The following KIF13A variants were observed in gnomAD, a reference collection of about 807,000 sequenced individuals.
KIF13A encodes the protein kinesin-like protein KIF13A.
A neutral mutation model predicts 212.2 loss-of-function variants in KIF13A; 79 were observed. The ratio of observed to expected loss-of-function variants is 0.37; its 90% confidence interval spans 0.31 to 0.45. KIF13A has a LOEUF of 0.45. KIF13A is among the 20% of genes least tolerant of loss of function. The pLI, the probability that KIF13A is intolerant of heterozygous loss-of-function variation, is 1.00. For missense variants in KIF13A, 1,901 were observed against 2,209.0 expected, an observed-to-expected ratio of 0.86 and a Z score of 2.79; for synonymous variants, 789 against 808.6, an observed-to-expected ratio of 0.98 and a Z score of 0.41.
At chr6:17,869,653 T>C (rs1769817975) in intron 4 of KIF13A, among the ~76,000 whole-genome samples, 1 of 152,098 alleles carries the variant, frequency 6.6e-6, no homozygotes, top group South Asian at 2.1e-4. Flanking sequence ...CACTAGAGAA[T>C]TACGTGTTTC....
chr6:17,946,610 G>A (rs935041491), intron 2 of KIF13A, among the ~76,000 whole-genome samples: 15 of 152,182 alleles, frequency 9.9e-5, no homozygotes, highest in African/African-American at 3.6e-4. Flanking sequence ...CTCTGCATCA[G>A]TAAAAATTTT....
At position 17,926,203 on chromosome 6, in the gene KIF13A, C is replaced by G. The variant is rs908188342; in HGVS notation, c.147-28023G>C. ...AACATTCAGTTCTTGTAAACTTCCA[C>G]GAATTCCTAAATTTATCTGTCTCCT... On this transcript the variant is annotated intron_variant, in intron 2 of 38. Transcript: ENST00000259711. The surrounding 1 kb of genome is among the most constrained non-coding windows in gnomAD (Gnocchi z 4.3). Among the ~76,000 whole-genome samples, 2 of 152,058 alleles carry G rather than the reference C, an allele frequency of 1.3e-5. No homozygotes were observed. The highest frequency in any genetic ancestry group is 3.2e-3 in the Middle Eastern group (1 of 316).
chr6:17,797,130 C>T (rs572368497), intron 22 of KIF13A, among the ~76,000 whole-genome samples: 6 of 151,810 alleles, frequency 4.0e-5, no homozygotes, highest in East Asian at 2.0e-4. Flanking sequence ...CTCAGGTTCA[C>T]GCCATTCTCC....
chr6:17,922,507 C>A (rs1386350827), intron 2 of KIF13A, among the ~76,000 whole-genome samples: 1 of 151,618 alleles, frequency 6.6e-6, no homozygotes, highest in East Asian at 1.9e-4. Context: ...AGAAAGCAAG[C>A]CCGTGAATAA....
intron 20 of KIF13A, among the ~76,000 whole-genome samples, chr6:17,803,344 G>C (rs1762639195): frequency 6.6e-6 from 1 of 152,114 alleles, no homozygotes; most frequent in African/African-American, 2.4e-5. Context: ...AAAAAGCTCT[G>C]TTAGGCACTG....
rs1766121255 is a variant in KIF13A at position 17,837,889 on chromosome 6, G to C, written c.831-306C>G. Among the ~76,000 whole-genome samples the C allele has an allele frequency of 3.3e-5, 5 of 152,216 alleles. No homozygotes were observed. The South Asian group carries it at 1.0e-3, about 32-fold the overall frequency. ...AATCTCTGGAACCCGGGAGTTAGAG[G>C]TTGCAGTGAGCCGAGACTGTGCCAC... is the stretch of plus-strand genomic sequence containing the variant. On this transcript the variant is annotated intron_variant, in intron 9 of 38. Transcript: ENST00000259711. The surrounding 1 kb of genome is among the most constrained non-coding windows in gnomAD (Gnocchi z 5.4).
Position 17,926,532 on chromosome 6 carries a change from C to T in KIF13A, c.147-28352G>A, listed in dbSNP as rs1052988890. Among the ~76,000 whole-genome samples, 1 of 152,000 alleles carries T rather than the reference C, an allele frequency of 6.6e-6. No individual in the cohort carries two copies. Among genetic ancestry groups the T allele is most frequent in the African/African-American group, 2.4e-5 (1 of 41,390 alleles). On this transcript the variant is annotated intron_variant, in intron 2 of 38. Transcript: ENST00000259711. The surrounding 1 kb of genome is among the most constrained non-coding windows in gnomAD (Gnocchi z 4.3). ...CAGGTGTGAGCCACCATGCCTGGCCCCTGGTACGTTTCTTTAAAACACATG... is the reference window on the plus strand; with the variant it reads ...CAGGTGTGAGCCACCATGCCTGGCCTCTGGTACGTTTCTTTAAAACACATG...
rs1779565109 is a variant in KIF13A, at chr6:17,968,986, A to G, written c.146+18068T>C. On this transcript the variant is annotated intron_variant, in intron 2 of 38. Transcript: ENST00000259711. The surrounding 1 kb of genome is among the most constrained non-coding windows in gnomAD (Gnocchi z 4.7). Reference sequence around the variant, plus strand: ...ATATCTTTCATTATATTCAACTATAAAACATCTACATCAGGTTGGTGTAGG... The same window carrying G: ...ATATCTTTCATTATATTCAACTATAGAACATCTACATCAGGTTGGTGTAGG... 6.6e-6 allele frequency among the ~76,000 whole-genome samples: 1 copy of G among 151,652 alleles called. No homozygotes were observed. Among genetic ancestry groups the G allele is most frequent in the South Asian group, 2.1e-4 (1 of 4,788 alleles).
rs781542624 is a variant in KIF13A at position 17,777,228 on chromosome 6, A to C, written c.4170+49T>G. On this transcript the variant is annotated intron_variant, in intron 34 of 38. Transcript: ENST00000259711. This position sits in a 1 kb window ranked among gnomAD's most constrained non-coding sequence, Gnocchi z 4.4. Reference sequence around the variant, plus strand: ...TGAATCCCACCTTCCCCCACCCCAGAGGCTGCGACATGTCACATAGGAGCA... The same window carrying C: ...TGAATCCCACCTTCCCCCACCCCAGCGGCTGCGACATGTCACATAGGAGCA... 2.1e-6 allele frequency: 3 copies of C among 1,456,218 alleles called. No homozygotes were observed. Among genetic ancestry groups the C allele is most frequent in the Non-Finnish European group, 2.9e-6 (3 of 1,048,920 alleles). The allele number at this position is 1,456,218 out of a possible 1,614,324, so 90.2% of individuals were successfully genotyped here. A position where few individuals can be genotyped will look rare whatever the true frequency, so the allele number is the denominator to read the frequency against.
Position 17,963,280 on chromosome 6 carries a change from T to C in KIF13A, c.146+23774A>G, listed in dbSNP as rs544021283. Among the ~76,000 whole-genome samples the C allele has an allele frequency of 6.6e-5, 10 of 152,190 alleles. No homozygotes were observed. Among genetic ancestry groups the C allele is most frequent in the Non-Finnish European group, 1.5e-4 (10 of 68,000 alleles). ...TAAAAATACAAAAATTAGCTGGGCATGGTGGCGGGCGCCTGTAGTCCCAGC... is the reference window on the plus strand; with the variant it reads ...TAAAAATACAAAAATTAGCTGGGCACGGTGGCGGGCGCCTGTAGTCCCAGC... On this transcript the variant is annotated intron_variant, in intron 2 of 38. Coordinates refer to ENST00000259711, the MANE Select transcript of KIF13A (RefSeq NM_022113.6). This position sits in a 1 kb window ranked among gnomAD's most constrained non-coding sequence, Gnocchi z 4.1.
intron 2 of KIF13A, among the ~76,000 whole-genome samples, chr6:17,948,089 C>T (rs1777558382): frequency 6.6e-6 from 1 of 152,198 alleles, no homozygotes; most frequent in Admixed American, 6.5e-5. Flanking sequence ...TGAGAATATA[C>T]TTTTAATGCC....
At position 17,777,423 on chromosome 6, in the gene KIF13A, G is replaced by A. The variant is rs1886247; in HGVS notation, c.4093-69C>T. ...CCCAGAGACAGAGTCTCACTCTGTT[G>A]CCCAGGCTGGAGTGTAGTGATGCGA... On this transcript the variant is annotated intron_variant, in intron 33 of 38. Transcript: ENST00000259711. The surrounding 1 kb of genome is among the most constrained non-coding windows in gnomAD (Gnocchi z 4.4). The A allele has an allele frequency of 0.23, 296,360 of 1,277,868 alleles. 36,049 individuals are homozygous for A. Among genetic ancestry groups the A allele is most frequent in the South Asian group, 0.35 (27,153 of 78,546 alleles). The allele number at this position is 1,277,868 out of a possible 1,614,324, so 79.2% of individuals were successfully genotyped here.
chr6:17,966,757 C>T (rs1332345227), intron 2 of KIF13A, among the ~76,000 whole-genome samples: 1 of 152,184 alleles, frequency 6.6e-6, no homozygotes, highest in Non-Finnish European at 1.5e-5. Flanking sequence ...CTTCATCCTT[C>T]TGTCTTATGA....
At chr6:17,853,436 C>A (rs772087292) in intron 6 of KIF13A, among the ~76,000 whole-genome samples, 3 of 152,176 alleles carry the variant, frequency 2.0e-5, no homozygotes, top group East Asian at 1.9e-4. Flanking sequence ...TAACAGTTTG[C>A]GCAATTAAAT....
intron 11 of KIF13A, 45 bp downstream of exon 11, chr6:17,836,833 C>A: frequency 2.5e-6 from 4 of 1,570,764 alleles, no homozygotes; most frequent in Non-Finnish European, 3.5e-6. Context: ...TCAAATCCCG[C>A]AAGCCAGGGA....
intron 2 of KIF13A, among the ~76,000 whole-genome samples, chr6:17,970,311 A>G (rs1039188296): frequency 1.3e-5 from 2 of 152,212 alleles, no homozygotes; most frequent in African/African-American, 4.8e-5. Flanking sequence ...ATAGAAATAC[A>G]TAAAAGCAGG....
chr6:17,940,371 C>T (rs1776857436), intron 2 of KIF13A, among the ~76,000 whole-genome samples: 1 of 152,208 alleles, frequency 6.6e-6, no homozygotes, highest in Admixed American at 6.5e-5. Context: ...TGTGCTAATG[C>T]TGCTGATCCA....
rs1772693420 is a variant in KIF13A, at chr6:17,897,754, T to C, written c.159+414A>G. Among the ~76,000 whole-genome samples, 1 of 152,240 alleles carries C rather than the reference T, an allele frequency of 6.6e-6. No individual in the cohort carries two copies. The highest frequency in any genetic ancestry group is 2.4e-5 in the African/African-American group (1 of 41,464). ...CGTTTGTCCAATCAGTAATCACAGT[T>C]ACCAACTGCCATCCTATGATCTTAC... On this transcript the variant is annotated intron_variant, in intron 3 of 38. Coordinates refer to ENST00000259711, the MANE Select transcript of KIF13A (RefSeq NM_022113.6). The surrounding 1 kb of genome is among the most constrained non-coding windows in gnomAD (Gnocchi z 4.8).
rs1445927995 is a variant in KIF13A at position 17,971,414 on chromosome 6, G to A, written c.146+15640C>T. Among the ~76,000 whole-genome samples, 1 of 152,052 alleles carries A rather than the reference G, an allele frequency of 6.6e-6. No homozygotes were observed. The highest frequency in any genetic ancestry group is 2.4e-5 in the African/African-American group (1 of 41,412). On this transcript the variant is annotated intron_variant, in intron 2 of 38. Coordinates refer to ENST00000259711, the MANE Select transcript of KIF13A (RefSeq NM_022113.6). This position sits in a 1 kb window ranked among gnomAD's most constrained non-coding sequence, Gnocchi z 4.2. ...TATAATAAAATATTAAAATTTAGTA[G>A]CGGTTTGTTTTTTTCCTTTTTTTTT... is the stretch of plus-strand genomic sequence containing the variant.
Sources: gnomAD v4.1 joint callset for allele counts (sites outside exome capture counted in the v4.1 genomes callset) on GRCh38, gnomAD v4.1.1 for gene constraint, Gnocchi (gnomAD v3.1) non-coding constraint, MANE v1.5 for transcripts, NCBI Gene and HGNC (gene_info 2026-07-23, HGNC 2026-07-21) for gene names.